LRRC49: variants seen among roughly 807,000 people sequenced by gnomAD.
LRRC49 encodes the protein leucine-rich repeat-containing protein 49.
In LRRC49, 50 loss-of-function variants were observed where a neutral mutation model predicts 83.3. The observed-to-expected ratio is 0.60, with a 90% confidence interval of 0.48 to 0.76. The LOEUF is 0.76. Among genes scored for constraint, LRRC49 ranks in the 30% least tolerant of loss-of-function variants. LRRC49 has a pLI of 0.00. For missense variants in LRRC49, 704 were observed against 809.1 expected, an observed-to-expected ratio of 0.87 and a Z score of 1.58; for synonymous variants, 286 against 283.3, an observed-to-expected ratio of 1.01 and a Z score of -0.10.
chr15:70,922,492 A>G (rs2035044580), intron 7 of LRRC49, among the ~76,000 whole-genome samples: 1 of 152,118 alleles, frequency 6.6e-6, no homozygotes, highest in Admixed American at 6.5e-5. Flanking sequence ...GAACTCATAG[A>G]CATAGAGAGT....
intron 14 of LRRC49, among the ~76,000 whole-genome samples, chr15:71,024,332 G>A (rs2039089078): frequency 1.3e-5 from 2 of 152,172 alleles, no homozygotes; most frequent in African/African-American, 4.8e-5. Context: ...AGGGTTGCCA[G>A]ACACCTTATA....
At chr15:70,975,586 G>A (rs2037175964) in intron 9 of LRRC49, among the ~76,000 whole-genome samples, 2 of 152,076 alleles carry the variant, frequency 1.3e-5, no homozygotes, top group Non-Finnish European at 2.9e-5. Context: ...CCAGAGACTT[G>A]GGGGACTGAG....
rs1299255737 is a variant in LRRC49 at position 71,048,865 on chromosome 15, C to G, written c.1858-544C>G. 3 of 455,982 alleles carry G rather than the reference C, an allele frequency of 6.6e-6. No individual in the cohort carries two copies. The Admixed American group carries it at 7.1e-5, about 11-fold the overall frequency. 28.2% of individuals were successfully genotyped at this position (455,982 alleles called of 1,614,324 possible). On this transcript the variant is annotated intron_variant, in intron 15 of 15. Transcript: ENST00000260382. The stretch of plus-strand genomic sequence containing the variant: ...GGTCCCAGGTTTCTATATGTTTACT[C>G]TTCCTAATTGTACACTTCCCCCCAA...
intron 1 of LRRC49, among the ~76,000 whole-genome samples, chr15:70,860,815 A>G (rs1210712134): frequency 4.6e-5 from 7 of 152,202 alleles, no homozygotes; most frequent in Admixed American, 3.9e-4. Context: ...TTAGATGGCT[A>G]TATGGCCACC....
At chr15:70,937,756 G>A (rs890572935) in intron 8 of LRRC49, among the ~76,000 whole-genome samples, 2 of 152,134 alleles carry the variant, frequency 1.3e-5, no homozygotes, top group African/African-American at 4.8e-5. Context: ...TGAAGACAGT[G>A]AGCTTTGCAA....
chr15:71,040,990 A>T (rs1004600781), intron 15 of LRRC49, among the ~76,000 whole-genome samples: 2 of 152,170 alleles, frequency 1.3e-5, no homozygotes, highest in African/African-American at 4.8e-5. Flanking sequence ...CAGGGACTTC[A>T]TTCCCACAGC....
intron 8 of LRRC49, among the ~76,000 whole-genome samples, chr15:70,954,854 C>T (rs1274713599): frequency 1.3e-5 from 2 of 152,048 alleles, no homozygotes; most frequent in Non-Finnish European, 2.9e-5. Context: ...TGTAGGTGCT[C>T]CAGCAGGGGC....
intron 1 of LRRC49, chr15:70,860,127 C>A: frequency 1.1e-5 from 8 of 702,798 alleles, no homozygotes; most frequent in Non-Finnish European, 2.0e-5. Flanking sequence ...TGATGGGAAG[C>A]TGGTGTCCAA....
intron 11 of LRRC49, 34 bp downstream of exon 11, chr15:70,984,291 C>T (rs760675181): frequency 2.7e-6 from 4 of 1,507,702 alleles, no homozygotes; most frequent in Non-Finnish European, 3.6e-6. Context: ...ATACAAGCAT[C>T]TTTGATAATT....
At chr15:70,898,506 G>T in intron 3 of LRRC49, 1 of 675,882 alleles carries the variant, frequency 1.5e-6, no homozygotes, top group East Asian at 2.7e-5. Flanking sequence ...CGGTTGCTAT[G>T]GCTCATGCCT....
chr15:70,950,209 G>A lies in LRRC49; in HGVS notation c.773+13387G>A, dbSNP rs979541076. On this transcript the variant is annotated intron_variant, in intron 8 of 15. Coordinates refer to ENST00000260382, the MANE Select transcript of LRRC49 (RefSeq NM_017691.5). The stretch of plus-strand genomic sequence containing the variant: ...CCACATTTTCTTTATTCAGTCCATC[G>A]ATGATGGACATCTTGGTTGATTCCG... Among the ~76,000 whole-genome samples, 5 of 152,068 alleles carry A rather than the reference G, an allele frequency of 3.3e-5. No homozygotes were observed. The East Asian group carries it at 7.7e-4, about 23-fold the overall frequency.
intron 1 of LRRC49, chr15:70,859,087 C>T (rs2032722635): frequency 6.6e-7 from 1 of 1,514,894 alleles, no homozygotes; most frequent in African/African-American, 1.4e-5. Flanking sequence ...AGTGGAGCCT[C>T]CTGCAGCAGC....
intron 11 of LRRC49, among the ~76,000 whole-genome samples, chr15:71,006,926 G>T (rs1374732491): frequency 6.6e-6 from 1 of 151,998 alleles, no homozygotes; most frequent in Admixed American, 6.6e-5. Context: ...GGAACTAATT[G>T]TTAAGTTAGT....
chr15:70,989,794 T>G (rs1003032297), intron 11 of LRRC49, among the ~76,000 whole-genome samples: 18 of 152,294 alleles, frequency 1.2e-4, no homozygotes, highest in African/African-American at 4.3e-4. Flanking sequence ...GATGGTGATG[T>G]ACAGATGGGT....
intron 9 of LRRC49, among the ~76,000 whole-genome samples, chr15:70,973,848 G>A (rs1185700479): frequency 1.3e-5 from 2 of 152,092 alleles, no homozygotes; most frequent in Non-Finnish European, 2.9e-5. Flanking sequence ...ATGGTTTGTG[G>A]CCCAGTGCGG....
intron 7 of LRRC49, among the ~76,000 whole-genome samples, chr15:70,935,162 A>G (rs1446378141): frequency 6.6e-6 from 1 of 152,234 alleles, no homozygotes; most frequent in Non-Finnish European, 1.5e-5. Flanking sequence ...CTTGGCCATG[A>G]AAAGCTCTAA....
intron 1 of LRRC49, among the ~76,000 whole-genome samples, chr15:70,869,914 T>G (rs1009631477): frequency 6.6e-6 from 1 of 152,178 alleles, no homozygotes; most frequent in South Asian, 2.1e-4. Context: ...ATTACTGATT[T>G]TATTAACAGA....
chr15:70,889,609 A>G (rs2033501592), upstream of LRRC49, among the ~76,000 whole-genome samples: 1 of 152,230 alleles, frequency 6.6e-6, no homozygotes. Context: ...AGAATGCAAA[A>G]TTAACAGTTA....
At chr15:70,999,044 A>G (rs2038171082) in intron 11 of LRRC49, among the ~76,000 whole-genome samples, 1 of 151,722 alleles carries the variant, frequency 6.6e-6, no homozygotes, top group African/African-American at 2.4e-5. Context: ...TTTAATTTCC[A>G]TTTCTTTATT....
Sources: allele counts gnomAD v4.1 joint callset (sites outside exome capture counted in the v4.1 genomes callset), GRCh38; gene constraint gnomAD v4.1.1; transcripts MANE v1.5; gene names NCBI Gene and HGNC (gene_info 2026-07-23, HGNC 2026-07-21).